Variants in SEMA5A observed in about 807,000 individuals in gnomAD.
SEMA5A encodes the protein semaphorin 5A.
Under a neutral mutation model 135.5 loss-of-function variants are expected in SEMA5A, and 55 were observed. That is an observed-to-expected ratio of 0.41 (90% confidence interval 0.33 to 0.51). The LOEUF is 0.51. SEMA5A is among the 20% of genes least tolerant of loss of function. SEMA5A has a pLI of 0.37. For synonymous variants in SEMA5A, 580 were observed against 546.5 expected, an observed-to-expected ratio of 1.06 and a Z score of -0.85; for missense variants, 1,290 against 1,419.9, an observed-to-expected ratio of 0.91 and a Z score of 1.47.
chr5:9,125,120 G>C (rs1447999669), intron 13 of SEMA5A, among the ~76,000 whole-genome samples: 1 of 143,844 alleles, frequency 7.0e-6, no homozygotes, highest in East Asian at 1.9e-4. Context: ...GAACTAACAT[G>C]AAAAGTGTTC....
chr5:9,298,395 C>T (rs1751445679), intron 5 of SEMA5A, among the ~76,000 whole-genome samples: 1 of 152,284 alleles, frequency 6.6e-6, no homozygotes, highest in East Asian at 1.9e-4. Context: ...GCCCTGCCAA[C>T]ACTTGATTTT....
chr5:9,236,776 C>T (rs1418456684), intron 6 of SEMA5A, among the ~76,000 whole-genome samples: 1 of 152,136 alleles, frequency 6.6e-6, no homozygotes, highest in African/African-American at 2.4e-5. Context: ...CTGGCTAAGA[C>T]TGCATTTTCC....
intron 5 of SEMA5A, among the ~76,000 whole-genome samples, chr5:9,289,062 T>C (rs1234604830): frequency 6.6e-6 from 1 of 152,242 alleles, no homozygotes; most frequent in Non-Finnish European, 1.5e-5. Flanking sequence ...TGAATAGGAC[T>C]CTAACAGTAT....
Position 9,458,440 on chromosome 5 carries a change from A to G in SEMA5A, c.-174-20588T>C, listed in dbSNP as rs186111877. 4.4e-3 allele frequency among the ~76,000 whole-genome samples: 677 copies of G among 152,322 alleles called. 2 individuals are homozygous for G. The highest frequency in any genetic ancestry group is 0.017 in the Middle Eastern group (5 of 294). ...CCCTAAACTAAGATGAACATTTGCC[A>G]ATGACACTCCTTCATCAAACTTTAA... On this transcript the variant is annotated intron_variant, in intron 1 of 22. Coordinates refer to ENST00000382496, the MANE Select transcript of SEMA5A (RefSeq NM_003966.3).
chr5:9,514,662 C>T (rs1336719257), intron 1 of SEMA5A, among the ~76,000 whole-genome samples: 1 of 152,076 alleles, frequency 6.6e-6, no homozygotes, highest in African/African-American at 2.4e-5. Flanking sequence ...TAGGAAATAA[C>T]AAGAAAAAGT....
chr5:9,365,704 G>A (rs1754887404), intron 3 of SEMA5A, among the ~76,000 whole-genome samples: 1 of 152,188 alleles, frequency 6.6e-6, no homozygotes, highest in East Asian at 1.9e-4. Context: ...CACACAAATA[G>A]CTCTGGCCAT....
rs144601329 is a variant in SEMA5A, at chr5:9,478,696, A to G, written c.-174-40844T>C. 4.9e-3 allele frequency among the ~76,000 whole-genome samples: 741 copies of G among 152,280 alleles called. 4 individuals carry two copies. The highest frequency in any genetic ancestry group is 0.017 in the African/African-American group (704 of 41,570). On this transcript the variant is annotated intron_variant, in intron 1 of 22. Transcript: ENST00000382496. ...GCATTTACTCGATGCCTGTACTCCC[A>G]TTGTATCTTGGAAGTAACTAAATTG...
chr5:9,479,563 GT>G (rs1459301910), intron 1 of SEMA5A, among the ~76,000 whole-genome samples: 3 of 152,160 alleles, frequency 2.0e-5, no homozygotes, highest in Non-Finnish European at 4.4e-5. Flanking sequence ...TGTTGTGTGG[GT>G]AGAAAGAATG....
chr5:9,303,375 C>G (rs1156285328), intron 5 of SEMA5A, among the ~76,000 whole-genome samples: 1 of 152,124 alleles, frequency 6.6e-6, no homozygotes, highest in African/African-American at 2.4e-5. Flanking sequence ...CTCGGCCTCC[C>G]AAAGTGCTGG....
chr5:9,486,110 G>T (rs779144631), intron 1 of SEMA5A, among the ~76,000 whole-genome samples: 1 of 152,112 alleles, frequency 6.6e-6, no homozygotes, highest in Non-Finnish European at 1.5e-5. Context: ...ATGAGATCAT[G>T]TCGTCTTCAG....
chr5:9,092,355 T>C (rs1476807693), intron 16 of SEMA5A, among the ~76,000 whole-genome samples: 2 of 152,248 alleles, frequency 1.3e-5, no homozygotes, highest in South Asian at 2.1e-4. Context: ...ATTCGCACCA[T>C]TTTAAAGTAT....
chr5:9,108,169 T>G lies in SEMA5A; in HGVS notation c.2044A>C (p.Asn682His). 2 of 1,614,096 alleles carry G rather than the reference T, an allele frequency of 1.2e-6. No individual in the cohort carries two copies. Among genetic ancestry groups the G allele is most frequent in the Non-Finnish European group, 1.7e-6 (2 of 1,179,990 alleles). The stretch of plus-strand genomic sequence containing the variant: ...TTGCAGCCTGCACAGTCAGGCCCAT[T>G]CTCACAGATCCTGCGGCGAGCTTGA... ...GIQARRRICENGPDCAGCNVE... is the reference protein window; with the variant it reads ...GIQARRRICEHGPDCAGCNVE... Residue 682 changes from asparagine to histidine, a missense_variant, in exon 16 of 23, where the codon AAT becomes CAT. Physicochemically the swap from Asn to His is moderately conservative, Grantham distance 68. Around this residue, in one of 3 missense-constraint regions of SEMA5A, gnomAD observed 1,029 missense variants for 1,086.6 expected, o/e 0.95. Transcript: ENST00000382496.
At chr5:9,444,426 T>C (rs1306066874) in intron 1 of SEMA5A, among the ~76,000 whole-genome samples, 1 of 152,212 alleles carries the variant, frequency 6.6e-6, no homozygotes, top group Non-Finnish European at 1.5e-5. Flanking sequence ...CACTTATGAA[T>C]AAGAATATAC....
chr5:9,233,778 G>T (rs1747757788), intron 6 of SEMA5A, among the ~76,000 whole-genome samples: 1 of 152,166 alleles, frequency 6.6e-6, no homozygotes, highest in Non-Finnish European at 1.5e-5. Context: ...GCTGAGGAAT[G>T]CTCCCATCAG....
chr5:9,468,782 C>T (rs940539998), intron 1 of SEMA5A, among the ~76,000 whole-genome samples: 3 of 152,188 alleles, frequency 2.0e-5, no homozygotes, highest in Admixed American at 2.0e-4. Flanking sequence ...ACCAGATAAA[C>T]ATCCCTTTTC....
chr5:9,435,082 G>T (rs898661172), intron 2 of SEMA5A, among the ~76,000 whole-genome samples: 3 of 152,012 alleles, frequency 2.0e-5, no homozygotes, highest in African/African-American at 7.3e-5. Flanking sequence ...GTGGCAAAGG[G>T]TATTGCCATG....
At chr5:9,248,095 C>A (rs1748569347) in intron 5 of SEMA5A, among the ~76,000 whole-genome samples, 2 of 151,960 alleles carry the variant, frequency 1.3e-5, no homozygotes, top group Non-Finnish European at 2.9e-5. Flanking sequence ...ATTTACATGC[C>A]AGAGATGTCC....
chr5:9,060,892 G>C (rs1009331371), intron 18 of SEMA5A, among the ~76,000 whole-genome samples: 2 of 152,106 alleles, frequency 1.3e-5, no homozygotes, highest in African/African-American at 4.8e-5. Flanking sequence ...AACTCAGAAA[G>C]TTGTATCTAC....
chr5:9,158,880 T>C (rs976724922), intron 11 of SEMA5A, among the ~76,000 whole-genome samples: 5 of 152,228 alleles, frequency 3.3e-5, no homozygotes, highest in African/African-American at 9.6e-5. Flanking sequence ...ACTACATATT[T>C]GTCTCATCTT....
Sources: allele counts gnomAD v4.1 joint callset (sites outside exome capture counted in the v4.1 genomes callset), GRCh38; gene constraint gnomAD v4.1.1; regional missense constraint gnomAD v4.1.1; transcripts MANE v1.5; gene names NCBI Gene and HGNC (gene_info 2026-07-23, HGNC 2026-07-21).